CFAP299: variants seen among roughly 807,000 people sequenced by gnomAD.
The protein encoded by CFAP299 is cilia- and flagella-associated protein 299.
A neutral mutation model predicts 27.0 loss-of-function variants in CFAP299; 21 were observed. The observed-to-expected ratio is 0.78, with a 90% CI of 0.55 to 1.12. CFAP299 has a LOEUF of 1.12. Among genes scored for constraint, CFAP299 ranks in the 50% most tolerant of loss-of-function variants. CFAP299 has a pLI of 0.00. For synonymous variants in CFAP299, 104 were observed against 98.1 expected (o/e 1.06, Z -0.36); for missense variants, 310 against 276.6 (o/e 1.12, Z -0.86).
chr4:80,436,325 G>A (rs907975074), intron 2 of CFAP299, among the ~76,000 whole-genome samples: 4 of 146,782 alleles, frequency 2.7e-5, no homozygotes, highest in African/African-American at 1.0e-4. Flanking sequence ...TTGAGACGGA[G>A]TCTCACTCTG....
chr4:80,858,247 G>A (rs1357137663), intron 3 of CFAP299, among the ~76,000 whole-genome samples: 1 of 151,888 alleles, frequency 6.6e-6, no homozygotes, highest in Non-Finnish European at 1.5e-5. Context: ...TGGGATCGGT[G>A]GTGATATCCC....
chr4:80,628,142 G>C (rs1739009819), intron 3 of CFAP299, among the ~76,000 whole-genome samples: 1 of 152,028 alleles, frequency 6.6e-6, no homozygotes, highest in Non-Finnish European at 1.5e-5. Context: ...TAGACACACA[G>C]AGCAATTAAA....
intron 4 of CFAP299, among the ~76,000 whole-genome samples, chr4:80,934,002 T>C (rs995190910): frequency 6.6e-6 from 1 of 152,124 alleles, no homozygotes; most frequent in South Asian, 2.1e-4. Context: ...CCTTGTCTTG[T>C]TCCTAACCTT....
chr4:80,610,299 C>T (rs932884151), intron 3 of CFAP299, among the ~76,000 whole-genome samples: 2 of 152,010 alleles, frequency 1.3e-5, no homozygotes, highest in African/African-American at 4.8e-5. Flanking sequence ...TATTGCTGAA[C>T]CCAGCAGCAC....
intron 2 of CFAP299, among the ~76,000 whole-genome samples, chr4:80,520,317 T>C (rs2110173843): frequency 6.6e-6 from 1 of 152,308 alleles, no homozygotes; most frequent in East Asian, 1.9e-4. Flanking sequence ...ACCAGCTAGG[T>C]GGGGTATACC....
chr4:80,871,992 T>C (rs2110169380), intron 4 of CFAP299: 1 of 151,934 alleles, frequency 6.6e-6, no homozygotes, highest in Non-Finnish European at 1.5e-5. Flanking sequence ...TCCCCCTCAT[T>C]CTTTTTATCT....
At chr4:80,818,072 A>G (rs900121186) in intron 3 of CFAP299, among the ~76,000 whole-genome samples, 6 of 151,970 alleles carry the variant, frequency 3.9e-5, no homozygotes, top group African/African-American at 1.5e-4. Flanking sequence ...CTTATCATTC[A>G]GCTCCCACTT....
intron 3 of CFAP299, 119 bp downstream of exon 3, chr4:80,583,302 C>A: frequency 4.0e-6 from 2 of 496,128 alleles, no homozygotes; most frequent in East Asian, 3.5e-5. Context: ...TATGATTCCT[C>A]TTTATTAATT....
chr4:80,899,325 AC>A (rs1216599941), intron 4 of CFAP299, among the ~76,000 whole-genome samples: 3 of 152,360 alleles, frequency 2.0e-5, no homozygotes, highest in African/African-American at 7.2e-5. Context: ...AAAGTATTCA[AC>A]ATAAAGTTAG....
At chr4:80,585,252 T>C (rs1233102085) in intron 3 of CFAP299, among the ~76,000 whole-genome samples, 2 of 152,112 alleles carry the variant, frequency 1.3e-5, no homozygotes, top group East Asian at 1.9e-4. Context: ...CTCTGAAATG[T>C]AGTGTACTAA....
chr4:80,439,336 A>G (rs568921739), intron 2 of CFAP299, among the ~76,000 whole-genome samples: 57 of 152,146 alleles, frequency 3.7e-4, no homozygotes, highest in Non-Finnish European at 6.9e-4. Flanking sequence ...CTGCATTTCC[A>G]ACTGAGGTAC....
At chr4:80,438,172 G>T (rs545081322) in intron 2 of CFAP299, among the ~76,000 whole-genome samples, 235 of 152,290 alleles carry the variant, frequency 1.5e-3, no homozygotes, top group Middle Eastern at 6.8e-3. Context: ...CAGAATAGAG[G>T]GGTGAGATTA....
intron 2 of CFAP299, among the ~76,000 whole-genome samples, chr4:80,522,276 A>G (rs997532560): frequency 2.6e-5 from 4 of 151,860 alleles, no homozygotes; most frequent in Non-Finnish European, 5.9e-5. Flanking sequence ...ATCTTTTTAT[A>G]TACTTGTTAA....
intron 3 of CFAP299, among the ~76,000 whole-genome samples, chr4:80,735,514 C>T (rs966176827): frequency 1.3e-5 from 2 of 152,008 alleles, no homozygotes; most frequent in African/African-American, 4.8e-5. Flanking sequence ...TTGTCGTGTT[C>T]CATTTAAAAG....
chr4:80,922,008 G>A (rs1344458837), intron 4 of CFAP299, among the ~76,000 whole-genome samples: 2 of 152,006 alleles, frequency 1.3e-5, no homozygotes, highest in African/African-American at 4.8e-5. Flanking sequence ...CAAGGACTCA[G>A]TTCTGTATAT....
At chr4:80,583,235 A>G in intron 3 of CFAP299, 52 bp downstream of exon 3, 1 of 1,000,962 alleles carries the variant, frequency 1.0e-6, no homozygotes, top group Non-Finnish European at 1.5e-6. Flanking sequence ...ATGCACAATT[A>G]ATATTAAAAA....
At chr4:80,942,163 A>G (rs1737229515) in intron 4 of CFAP299, among the ~76,000 whole-genome samples, 1 of 152,230 alleles carries the variant, frequency 6.6e-6, no homozygotes. Context: ...AAGAGAGACC[A>G]TGGTTGTAGT....
chr4:80,750,025 T>G (rs966738225), intron 3 of CFAP299, among the ~76,000 whole-genome samples: 1 of 152,202 alleles, frequency 6.6e-6, no homozygotes, highest in African/African-American at 2.4e-5. Flanking sequence ...AAAATAAATC[T>G]TTCATTTGAA....
rs374679323 is a variant in CFAP299, at chr4:80,912,248, C to G, written c.477-32562C>G. ...GTGCCTCTTCAAGATCTTAAATTAC[C>G]TCCACTGGGAAAATTAACATTTCGG... On this transcript the variant is annotated intron_variant, in intron 4 of 5. Transcript: ENST00000358105. Among the ~76,000 whole-genome samples the G allele has an allele frequency of 6.6e-5, 10 of 152,202 alleles. No individual in the cohort carries two copies. In the South Asian group the frequency reaches 1.9e-3, roughly 28 times the overall value.
Sources: gnomAD v4.1 joint callset for allele counts (sites outside exome capture counted in the v4.1 genomes callset) on GRCh38, gnomAD v4.1.1 for gene constraint, MANE v1.5 for transcripts, NCBI Gene and HGNC (gene_info 2026-07-23, HGNC 2026-07-21) for gene names.